The following MKLN1 variants were observed in gnomAD, a reference collection of about 807,000 sequenced individuals.
The protein encoded by MKLN1 is muskelin.
MKLN1 carries 18 observed loss-of-function variants against 99.0 expected under a neutral mutation model. The observed-to-expected ratio is 0.18, with a 90% CI of 0.13 to 0.27. MKLN1 has a LOEUF of 0.27. MKLN1 is among the 10% of genes least tolerant of loss of function. MKLN1 has a pLI of 1.00. For missense variants in MKLN1, 621 were observed against 875.9 expected, an observed-to-expected ratio of 0.71 and a Z score of 3.67; for synonymous variants, 288 against 293.2, an observed-to-expected ratio of 0.98 and a Z score of 0.18.
intron 3 of MKLN1, among the ~76,000 whole-genome samples, chr7:131,248,209 A>G (rs1797524423): frequency 6.6e-6 from 1 of 152,094 alleles, no homozygotes; most frequent in African/African-American, 2.4e-5. Flanking sequence ...TACAGACGTG[A>G]GAAGAAAAAA....
chr7:131,397,471 A>G (rs1359755444), intron 5 of MKLN1, 95 bp downstream of exon 5: 8 of 677,840 alleles, frequency 1.2e-5, no homozygotes, highest in Non-Finnish European at 1.9e-5. Context: ...AATATTCAAA[A>G]TAATAATAAC....
chr7:131,397,207 A>G (rs576190958), intron 4 of MKLN1, 60 bp from the exon 5 acceptor site: 44 of 1,167,916 alleles, frequency 3.8e-5, no homozygotes, highest in Non-Finnish European at 4.9e-5. Flanking sequence ...TTACTTTGCT[A>G]AAGTTTTATT....
At chr7:131,119,931 A>C (rs1795335556) in intron 1 of MKLN1, among the ~76,000 whole-genome samples, 1 of 152,216 alleles carries the variant, frequency 6.6e-6, no homozygotes. Flanking sequence ...CAAATTTTCC[A>C]AACTTTTATG....
At chr7:131,282,443 T>C (rs1798066429) in intron 3 of MKLN1, among the ~76,000 whole-genome samples, 1 of 151,926 alleles carries the variant, frequency 6.6e-6, no homozygotes, top group Non-Finnish European at 1.5e-5. Context: ...CATAAACTTA[T>C]TGATTAAACA....
At chr7:131,113,743 G>A (rs1016703109) in intron 1 of MKLN1, among the ~76,000 whole-genome samples, 4 of 151,902 alleles carry the variant, frequency 2.6e-5, no homozygotes, top group Admixed American at 2.0e-4. Flanking sequence ...AGGATCACTT[G>A]AACCACAGAA....
intron 4 of MKLN1, among the ~76,000 whole-genome samples, chr7:131,394,513 G>A (rs544669985): frequency 6.6e-6 from 1 of 152,080 alleles, no homozygotes; most frequent in Admixed American, 6.5e-5. Context: ...TAATGCCAAC[G>A]CTGATCTGAC....
intron 3 of MKLN1, among the ~76,000 whole-genome samples, chr7:131,231,010 C>A (rs1169330900): frequency 1.4e-5 from 2 of 139,716 alleles, no homozygotes; most frequent in Non-Finnish European, 3.0e-5. Flanking sequence ...GTCCCAGCTA[C>A]TTGGGAGGCC....
chr7:131,390,360 C>G (rs1487129918), intron 4 of MKLN1, among the ~76,000 whole-genome samples: 1 of 152,088 alleles, frequency 6.6e-6, no homozygotes, highest in Non-Finnish European at 1.5e-5. Flanking sequence ...ATGTTTTCAT[C>G]AGTATTTAGA....
At chr7:131,283,235 C>T (rs186493357) in intron 3 of MKLN1, among the ~76,000 whole-genome samples, 41 of 152,234 alleles carry the variant, frequency 2.7e-4, no homozygotes, top group African/African-American at 9.1e-4. Flanking sequence ...GATATGGACT[C>T]ATTATCCAGA....
At chr7:131,248,512 C>T (rs578187226) in intron 3 of MKLN1, among the ~76,000 whole-genome samples, 47 of 152,282 alleles carry the variant, frequency 3.1e-4, no homozygotes, top group Admixed American at 1.0e-3. Flanking sequence ...CTTTCACATA[C>T]ATTTTCTCAT....
At chr7:131,156,194 T>C (rs143858647) in intron 2 of MKLN1, among the ~76,000 whole-genome samples, 1 of 152,086 alleles carries the variant, frequency 6.6e-6, no homozygotes, top group African/African-American at 2.4e-5. Flanking sequence ...CCTAATACAA[T>C]AGTTTATCAT....
At chr7:131,480,296 A>G (rs1797086612) in intron 17 of MKLN1, among the ~76,000 whole-genome samples, 1 of 152,202 alleles carries the variant, frequency 6.6e-6, no homozygotes, top group Non-Finnish European at 1.5e-5. Flanking sequence ...TATAAATACT[A>G]TTTTTTATGT....
intron 2 of MKLN1, among the ~76,000 whole-genome samples, chr7:131,378,992 A>G (rs957593492): frequency 2.0e-5 from 3 of 151,858 alleles, no homozygotes; most frequent in Non-Finnish European, 4.4e-5. Flanking sequence ...AATTGCATTG[A>G]CACTCAGTAG....
chr7:131,478,431 G>C (rs1797024181), intron 16 of MKLN1, 192 bp from the exon 17 acceptor site: 1 of 451,724 alleles, frequency 2.2e-6, no homozygotes, highest in Non-Finnish European at 3.7e-6. Context: ...TAATAGCCTA[G>C]TAGAAAAGTC....
intron 2 of MKLN1, among the ~76,000 whole-genome samples, chr7:131,377,285 T>C (rs1435906025): frequency 1.3e-5 from 2 of 152,190 alleles, no homozygotes; most frequent in East Asian, 3.8e-4. Context: ...GTAGAATTTA[T>C]CCTCTTAATG....
intron 3 of MKLN1, among the ~76,000 whole-genome samples, chr7:131,265,497 T>C (rs1264181603): frequency 6.6e-6 from 1 of 152,196 alleles, no homozygotes; most frequent in Non-Finnish European, 1.5e-5. Context: ...CATGCTTCCC[T>C]GATTCCCCGA....
At chr7:131,121,638 CA>C (rs55908773) in intron 1 of MKLN1, among the ~76,000 whole-genome samples, 8 of 72,802 alleles carry the variant, frequency 1.1e-4, no homozygotes, top group South Asian at 9.4e-4. Context: ...GACTCCGTCT[CA>C]AAAAAAAAAA....
intron 2 of MKLN1, among the ~76,000 whole-genome samples, chr7:131,177,339 G>A (rs992122652): frequency 2.6e-5 from 4 of 152,054 alleles, no homozygotes; most frequent in East Asian, 3.9e-4. Flanking sequence ...GTGGTGGCGC[G>A]TGCCTGTAGT....
intron 2 of MKLN1, among the ~76,000 whole-genome samples, chr7:131,194,240 G>A (rs1040019911): frequency 6.6e-6 from 1 of 151,884 alleles, no homozygotes; most frequent in African/African-American, 2.4e-5. Context: ...CAAAACATTT[G>A]GATCATACCC....
Sources: allele counts gnomAD v4.1 joint callset (sites outside exome capture counted in the v4.1 genomes callset), GRCh38; gene constraint gnomAD v4.1.1; transcripts MANE v1.5; gene names NCBI Gene and HGNC (gene_info 2026-07-23, HGNC 2026-07-21).